The following ELAVL4 variants were observed in gnomAD, a reference collection of about 807,000 sequenced individuals.
ELAVL4 encodes the protein ELAV-like protein 4.
Under a neutral mutation model 35.6 loss-of-function variants are expected in ELAVL4, and 1 was observed. The ratio of observed to expected loss-of-function variants is 0.03; its 90% CI spans 0.01 to 0.13. The LOEUF is 0.13. Among genes scored for constraint, ELAVL4 ranks in the 10% least tolerant of loss-of-function variants. The pLI, the probability that ELAVL4 is intolerant of heterozygous loss-of-function variation, is 1.00. For synonymous variants in ELAVL4, 156 were observed against 171.0 expected (o/e 0.91, Z 0.69); for missense variants, 267 against 464.9 (o/e 0.57, Z 3.91).
intron 1 of ELAVL4, among the ~76,000 whole-genome samples, chr1:50,053,217 T>C (rs1275416344): frequency 6.6e-6 from 1 of 152,194 alleles, no homozygotes; most frequent in East Asian, 1.9e-4. Context: ...TTGGGGTGAG[T>C]CTATTATATT....
chr1:50,109,604 C>T, intron 1 of ELAVL4: 1 of 416,172 alleles, frequency 2.4e-6, no homozygotes, highest in Non-Finnish European at 4.4e-6. Context: ...TTAGGAATCT[C>T]TCAATTTCCG....
chr1:50,142,051 GACATTTAATGT>G (rs1672910102), intron 1 of ELAVL4, among the ~76,000 whole-genome samples: 1 of 152,216 alleles, frequency 6.6e-6, no homozygotes, highest in South Asian at 2.1e-4. Flanking sequence ...TTGTATTTTA[GACATTTAATGT>G]ACATTATCTC....
chr1:50,137,288 T>C (rs1400060659), intron 1 of ELAVL4, among the ~76,000 whole-genome samples: 1 of 152,204 alleles, frequency 6.6e-6, no homozygotes, highest in East Asian at 1.9e-4. Context: ...CAACAATGAT[T>C]CTCCTCCACT....
chr1:50,112,721 C>T (rs539773782), intron 1 of ELAVL4, among the ~76,000 whole-genome samples: 1 of 152,210 alleles, frequency 6.6e-6, no homozygotes, highest in Non-Finnish European at 1.5e-5. Flanking sequence ...TAACAAACAA[C>T]TTAACCATTC....
At chr1:50,071,834 A>T (rs1232304589) in intron 1 of ELAVL4, among the ~76,000 whole-genome samples, 3 of 152,070 alleles carry the variant, frequency 2.0e-5, no homozygotes, top group African/African-American at 7.2e-5. Flanking sequence ...GGAGGAGGAG[A>T]GGCTCCCTAC....
intron 1 of ELAVL4, among the ~76,000 whole-genome samples, chr1:50,113,767 C>A (rs1463657013): frequency 1.3e-5 from 2 of 152,092 alleles, no homozygotes; most frequent in African/African-American, 4.8e-5. Flanking sequence ...TTACCACTAT[C>A]CATTCCCCCA....
chr1:50,160,175 T>C (rs1676540383), intron 2 of ELAVL4, among the ~76,000 whole-genome samples: 1 of 152,168 alleles, frequency 6.6e-6, no homozygotes, highest in African/African-American at 2.4e-5. Flanking sequence ...GGGCACTCCT[T>C]CATTTTCACA....
intron 1 of ELAVL4, among the ~76,000 whole-genome samples, chr1:50,065,110 A>G (rs763409629): frequency 1.9e-4 from 29 of 152,176 alleles, no homozygotes; most frequent in Admixed American, 5.2e-4. Context: ...ACTTGGAGTT[A>G]CAGCCCAACC....
intron 1 of ELAVL4, among the ~76,000 whole-genome samples, chr1:50,140,761 C>A (rs1376330580): frequency 6.6e-6 from 1 of 152,158 alleles, no homozygotes; most frequent in African/African-American, 2.4e-5. Flanking sequence ...TGTGTGTTTT[C>A]ATCAGTTCCT....
At chr1:50,132,753 G>A (rs1671077222) in intron 1 of ELAVL4, among the ~76,000 whole-genome samples, 1 of 152,086 alleles carries the variant, frequency 6.6e-6, no homozygotes, top group Non-Finnish European at 1.5e-5. Flanking sequence ...ACTCCAAACT[G>A]GTTTGAAGGA....
intron 1 of ELAVL4, among the ~76,000 whole-genome samples, chr1:50,057,287 T>C (rs1328880398): frequency 6.6e-6 from 1 of 152,146 alleles, no homozygotes; most frequent in Admixed American, 6.5e-5. Flanking sequence ...TGTTTTCAGC[T>C]AAGTGTTATT....
chr1:50,106,238 A>C (rs775159512), upstream of ELAVL4: 1 of 1,450,214 alleles, frequency 6.9e-7, no homozygotes, highest in Non-Finnish European at 9.5e-7. Context: ...GGTACAGTCC[A>C]TCTGGACTCT....
chr1:50,078,771 G>C (rs964900843), intron 1 of ELAVL4, among the ~76,000 whole-genome samples: 2 of 152,142 alleles, frequency 1.3e-5, no homozygotes, highest in Non-Finnish European at 2.9e-5. Context: ...TGTCTTCTGT[G>C]CTCTCCCTGT....
At chr1:50,082,843 T>G (rs904211570) in intron 1 of ELAVL4, among the ~76,000 whole-genome samples, 19 of 152,184 alleles carry the variant, frequency 1.2e-4, no homozygotes, top group Admixed American at 7.9e-4. Context: ...TCCTTTTCTC[T>G]GTAGCTACCT....
intron 1 of ELAVL4, among the ~76,000 whole-genome samples, chr1:50,068,623 A>T (rs984349556): frequency 2.0e-5 from 3 of 152,172 alleles, no homozygotes; most frequent in African/African-American, 7.2e-5. Context: ...TTTGAACTGC[A>T]TTTCTGACCG....
intron 6 of ELAVL4, among the ~76,000 whole-genome samples, chr1:50,198,114 TTA>T (rs922892406): frequency 1.6e-4 from 25 of 152,166 alleles, no homozygotes; most frequent in African/African-American, 6.0e-4. Context: ...CCTCCCTTGG[TTA>T]TATGTTATGT....
chr1:50,201,010 C>A lies in ELAVL4; in HGVS notation c.933C>A (p.Asn311Lys). The A allele has an allele frequency of 6.2e-7, 1 of 1,614,090 alleles. No homozygotes were observed. Among genetic ancestry groups the A allele is most frequent in the Non-Finnish European group, 8.5e-7 (1 of 1,179,986 alleles). Residue 311 changes from asparagine to lysine, a missense_variant, in exon 7 of 7, where the codon AAC becomes AAA. Physicochemically the swap from Asn to Lys is moderately conservative, Grantham distance 94. Transcript: ENST00000371824. This position sits in a 1 kb window ranked among gnomAD's most constrained non-coding sequence, Gnocchi z 4.3. ...QLFGPFGAVNNVKVIRDFNTN... is the reference protein window; with the variant it reads ...QLFGPFGAVNKVKVIRDFNTN... ...TTGGCCCCTTTGGAGCAGTGAACAA[C>A]GTAAAGGTGATTCGTGACTTCAACA...
intron 2 of ELAVL4, among the ~76,000 whole-genome samples, chr1:50,163,475 T>C (rs1037783619): frequency 1.3e-5 from 2 of 152,096 alleles, no homozygotes; most frequent in Non-Finnish European, 2.9e-5. Context: ...ATGGGATACT[T>C]TGGGATATAT....
At chr1:50,200,359 T>C (rs552816297) in intron 6 of ELAVL4, among the ~76,000 whole-genome samples, 1 of 152,268 alleles carries the variant, frequency 6.6e-6, no homozygotes, top group South Asian at 2.1e-4. Flanking sequence ...GAGTCACTTA[T>C]TCAACCAATA....
Sources: allele counts gnomAD v4.1 joint callset (sites outside exome capture counted in the v4.1 genomes callset), GRCh38; gene constraint gnomAD v4.1.1; non-coding constraint Gnocchi (gnomAD v3.1); transcripts MANE v1.5; gene names NCBI Gene and HGNC (gene_info 2026-07-23, HGNC 2026-07-21).